Variants in SLCO1B3 observed in about 807,000 individuals in gnomAD.
SLCO1B3 encodes the protein solute carrier organic anion transporter family member 1B3, also known as liver-specific organic anion transporter 2.
In SLCO1B3, 72 loss-of-function variants were observed where a neutral mutation model predicts 71.8. The ratio of observed to expected loss-of-function variants is 1.00; its 90% CI spans 0.83 to 1.22. SLCO1B3 has a LOEUF of 1.22. SLCO1B3 is among the 50% of genes most tolerant of loss of function. SLCO1B3 has a pLI of 0.00. For synonymous variants in SLCO1B3, 298 were observed against 278.4 expected (o/e 1.07, Z -0.70); for missense variants, 911 against 819.7 (o/e 1.11, Z -1.36).
At chr12:20,887,240 T>A (rs1456766900) in intron 13 of SLCO1B3, among the ~76,000 whole-genome samples, 1 of 152,072 alleles carries the variant, frequency 6.6e-6, no homozygotes, top group Non-Finnish European at 1.5e-5. Flanking sequence ...CACCCTGTGG[T>A]GGGATTGCTG....
At chr12:20,837,323 G>A (rs1372086641) in intron 3 of SLCO1B3, among the ~76,000 whole-genome samples, 2 of 151,586 alleles carry the variant, frequency 1.3e-5, no homozygotes, top group African/African-American at 4.8e-5. Flanking sequence ...ATTGACTTAT[G>A]TTTTAATTTT....
intron 13 of SLCO1B3, among the ~76,000 whole-genome samples, chr12:20,887,577 T>C (rs1198846434): frequency 6.6e-6 from 1 of 151,962 alleles, no homozygotes; most frequent in Non-Finnish European, 1.5e-5. Flanking sequence ...TTTCCTTTTT[T>C]TATTGAGTTG....
chr12:20,897,969 A>G (rs1866048933), intron 13 of SLCO1B3, among the ~76,000 whole-genome samples: 1 of 152,218 alleles, frequency 6.6e-6, no homozygotes, highest in African/African-American at 2.4e-5. Flanking sequence ...TTCTGGTTGT[A>G]TAATATAATT....
intron 3 of SLCO1B3, among the ~76,000 whole-genome samples, chr12:20,822,318 T>C (rs879479934): frequency 3.3e-5 from 5 of 151,896 alleles, no homozygotes; most frequent in Non-Finnish European, 7.4e-5. Context: ...GGGGCCGTTT[T>C]ATAGGATTTG....
At chr12:20,833,353 AAGGT>A (rs1864584151) in intron 3 of SLCO1B3, among the ~76,000 whole-genome samples, 1 of 151,566 alleles carries the variant, frequency 6.6e-6, no homozygotes, top group African/African-American at 2.4e-5. Context: ...TACTCTACCT[AAGGT>A]TATATTATAT....
At chr12:20,816,618 C>G (rs1182688421) in intron 3 of SLCO1B3, among the ~76,000 whole-genome samples, 1 of 152,174 alleles carries the variant, frequency 6.6e-6, no homozygotes, top group East Asian at 1.9e-4. Context: ...ACTTACATTG[C>G]TTCCATATCT....
intron 1 of SLCO1B3, among the ~76,000 whole-genome samples, chr12:20,811,202 A>T (rs571648173): frequency 6.6e-6 from 1 of 152,270 alleles, no homozygotes; most frequent in African/African-American, 2.4e-5. Context: ...GAGGGGTGGA[A>T]AATATGTTTC....
chr12:20,863,877 T>G (rs1865321709), intron 8 of SLCO1B3, among the ~76,000 whole-genome samples: 1 of 152,216 alleles, frequency 6.6e-6, no homozygotes, highest in South Asian at 2.1e-4. Context: ...TTACTAATTG[T>G]AATGGATATT....
intron 15 of SLCO1B3, among the ~76,000 whole-genome samples, chr12:20,904,803 T>C (rs911780322): frequency 1.5e-5 from 2 of 129,846 alleles, no homozygotes; most frequent in Non-Finnish European, 3.2e-5. Context: ...AGACAGTGTC[T>C]TGCTCTGATG....
At chr12:20,852,545 A>G (rs958681873) in intron 3 of SLCO1B3, among the ~76,000 whole-genome samples, 11 of 152,200 alleles carry the variant, frequency 7.2e-5, no homozygotes, top group African/African-American at 2.7e-4. Context: ...GATAGTATGG[A>G]TGTTTTAACA....
intron 13 of SLCO1B3, among the ~76,000 whole-genome samples, chr12:20,886,336 G>A (rs1025124123): frequency 1.3e-5 from 2 of 152,032 alleles, no homozygotes; most frequent in African/African-American, 4.8e-5. Context: ...CAAATCTAGA[G>A]TTGGCAATAT....
chr12:20,874,993 A>G (rs1367103527), intron 8 of SLCO1B3, among the ~76,000 whole-genome samples: 1 of 152,224 alleles, frequency 6.6e-6, no homozygotes, highest in Non-Finnish European at 1.5e-5. Flanking sequence ...AAGTGCACAC[A>G]AGATCAGGCA....
intron 12 of SLCO1B3, among the ~76,000 whole-genome samples, chr12:20,882,086 G>A (rs1157929546): frequency 6.6e-6 from 1 of 152,142 alleles, no homozygotes. Context: ...CTTTCAGTAA[G>A]AGTACCCCAT....
chr12:20,881,033 T>G lies in SLCO1B3; in HGVS notation c.1497+13T>G, dbSNP rs751207936. ...TAAAAAGCATACAGTGAGTATTAGT[T>G]TTCACTTTTTCTCCTCTCCTTAATC... On this transcript the variant is annotated intron_variant, in intron 12 of 15. Coordinates refer to ENST00000381545, the MANE Select transcript of SLCO1B3 (RefSeq NM_019844.4). The G allele has an allele frequency of 6.4e-7, 1 of 1,557,748 alleles. No homozygotes were observed. The highest frequency in any genetic ancestry group is 8.7e-7 in the Non-Finnish European group (1 of 1,146,764).
At chr12:20,895,948 C>T (rs1275711641) in intron 13 of SLCO1B3, among the ~76,000 whole-genome samples, 2 of 152,218 alleles carry the variant, frequency 1.3e-5, no homozygotes, top group Admixed American at 1.3e-4. Context: ...AGGCTCAACA[C>T]CACATGGAAG....
intron 3 of SLCO1B3, among the ~76,000 whole-genome samples, chr12:20,822,280 AAG>A (rs1864328650): frequency 6.6e-6 from 1 of 152,150 alleles, no homozygotes; most frequent in South Asian, 2.1e-4. Flanking sequence ...TGAGTCCGAA[AAG>A]AGAGTCAGTG....
At chr12:20,844,946 C>A (rs1343744203) in intron 3 of SLCO1B3, 1 of 197,164 alleles carries the variant, frequency 5.1e-6, no homozygotes, top group Non-Finnish European at 1.0e-5. Flanking sequence ...AGGAGAATTG[C>A]TTGAACCCGG....
intron 8 of SLCO1B3, among the ~76,000 whole-genome samples, chr12:20,872,186 A>G (rs1019819061): frequency 1.3e-5 from 2 of 151,918 alleles, no homozygotes; most frequent in African/African-American, 4.8e-5. Flanking sequence ...CCCAAGGAAG[A>G]TTCTGCCAGG....
At position 20,883,563 on chromosome 12, in the gene SLCO1B3, C is replaced by G. The variant is rs770216729; in HGVS notation, c.1643C>G (p.Ser548Cys). Residue 548 changes from serine (S) to cysteine (C), a missense_variant, in exon 13 of 16, where the codon TCT becomes TGT. By Grantham distance (112) the Ser-to-Cys change is moderately radical (BLOSUM62 -1). Transcript: ENST00000381545. The part of the protein sequence containing the change: ...VAIQVINSLF[S>C]ATGGTTFILL... ...ATTCAAGTCATAAACTCTTTGTTCT[C>G]TGCAACAGGAGGTACCACATTTATC... 5.0e-6 allele frequency: 8 copies of G among 1,600,440 alleles called. No homozygotes were observed. The Admixed American group carries it at 1.2e-4, about 25-fold the overall frequency.
Sources: allele counts gnomAD v4.1 joint callset (sites outside exome capture counted in the v4.1 genomes callset), GRCh38; gene constraint gnomAD v4.1.1; transcripts MANE v1.5; gene names NCBI Gene and HGNC (gene_info 2026-07-23, HGNC 2026-07-21).